The following AIF1L variants were observed in gnomAD, a reference collection of about 807,000 sequenced individuals.
AIF1L encodes allograft inflammatory factor 1 like.
In AIF1L, 12 loss-of-function variants were observed where a neutral mutation model predicts 20.7. That is an observed-to-expected ratio of 0.58 (90% CI 0.37 to 0.94). AIF1L has a LOEUF of 0.94. Ranked by LOEUF, AIF1L falls within the 40% of genes least tolerant of loss-of-function variation. The pLI is 0.01. For synonymous variants in AIF1L, 76 were observed against 65.1 expected (o/e 1.17, Z -0.81); for missense variants, 173 against 185.3 (o/e 0.93, Z 0.39).
intron 5 of AIF1L, among the ~76,000 whole-genome samples, chr9:131,119,593 A>G (rs990759150): frequency 6.6e-6 from 1 of 152,232 alleles, no homozygotes; most frequent in African/African-American, 2.4e-5. Flanking sequence ...CGAATGTAAA[A>G]TATACCTGTC....
intron 2 of AIF1L, among the ~76,000 whole-genome samples, chr9:131,100,848 A>G (rs1391174227): frequency 1.3e-5 from 2 of 152,198 alleles, no homozygotes; most frequent in African/African-American, 2.4e-5. Flanking sequence ...GGAGGCGCTC[A>G]GGGGACAGTG....
rs1003957608 is a variant in AIF1L, at chr9:131,106,210, A to G, written c.94-5387A>G. The G allele has an allele frequency of 1.3e-6, 2 of 1,535,698 alleles. No individual in the cohort carries two copies. The highest frequency in any genetic ancestry group is 1.7e-6 in the Non-Finnish European group (2 of 1,146,890). On this transcript the variant is annotated intron_variant, in intron 2 of 5. Transcript: ENST00000247291. ...CAGTACTGTGCAGGGAGGGAGCCGC[A>G]GCTACAGAGGATTTCATGTTCCCAG...
rs139367162 is a variant in AIF1L at position 131,115,076 on chromosome 9, T to C, written c.202+458T>C. Among the ~76,000 whole-genome samples the C allele has an allele frequency of 7.9e-5, 12 of 152,322 alleles. No homozygotes were observed. The East Asian group carries it at 2.1e-3, about 27-fold the overall frequency. On this transcript the variant is annotated intron_variant, in intron 4 of 5. Coordinates refer to ENST00000247291, the MANE Select transcript of AIF1L (RefSeq NM_031426.4). The stretch of plus-strand genomic sequence containing the variant: ...GCACTTACGTTCTGGTAGGAGACCA[T>C]ACCTGGACCTCACCCGCAAAGAAGT...
chr9:131,107,742 GCCTT>G (rs1830782868), intron 2 of AIF1L, among the ~76,000 whole-genome samples: 1 of 152,168 alleles, frequency 6.6e-6, no homozygotes, highest in African/African-American at 2.4e-5. Flanking sequence ...CCTCTGCCCC[GCCTT>G]TAAAAATGTT....
Position 131,120,399 on chromosome 9 carries a change from ATCTC to A in AIF1L, c.*88_*91del, listed in dbSNP as rs147761552. 1.3e-5 allele frequency: 14 copies of A among 1,104,464 alleles called. No homozygotes were observed. The Admixed American group carries it at 1.5e-4, about 12-fold the overall frequency. 68.4% of individuals were successfully genotyped at this position (1,104,464 alleles called of 1,614,324 possible). On this transcript the variant is annotated 3_prime_UTR_variant, in exon 6 of 6. Transcript: ENST00000247291. ...TTGCTGCCCTTCTTGACACACTGTG[ATCTC>A]TCTCTCTCTCATTTGTTTGGTCATT...
At chr9:131,114,661 T>C in intron 4 of AIF1L, 43 bp downstream of exon 4, 1 of 1,611,894 alleles carries the variant, frequency 6.2e-7, no homozygotes, top group Non-Finnish European at 8.5e-7. Flanking sequence ...GGGTGTTAAG[T>C]GGGTAGAGGG....
At chr9:131,097,984 C>A (rs1234347726) in intron 2 of AIF1L, among the ~76,000 whole-genome samples, 5 of 152,238 alleles carry the variant, frequency 3.3e-5, no homozygotes, top group Non-Finnish European at 5.9e-5. Flanking sequence ...CTCCTCTGGT[C>A]CCCTGGACAC....
chr9:131,117,846 G>A lies in AIF1L; in HGVS notation c.293G>A (p.Gly98Glu). Reference sequence around the variant, plus strand: ...AAGATGATCTCAGAGGTGACAGGAGGGGTCAGTGACACTATATCCTACCGA... The same window carrying A: ...AAGATGATCTCAGAGGTGACAGGAGAGGTCAGTGACACTATATCCTACCGA... ...MKKMISEVTG[G>E]VSDTISYRDF... Residue 98 changes from glycine to glutamate, a missense_variant, in exon 5 of 6, where the codon GGG becomes GAG. Coordinates refer to ENST00000247291, the MANE Select transcript of AIF1L (RefSeq NM_031426.4). The A allele has an allele frequency of 6.2e-7, 1 of 1,614,158 alleles. No individual in the cohort carries two copies. Among genetic ancestry groups the A allele is most frequent in the Non-Finnish European group, 8.5e-7 (1 of 1,180,022 alleles).
chr9:131,113,497 C>CAAAAAAAAA (rs3057292), intron 3 of AIF1L, among the ~76,000 whole-genome samples: 1 of 49,332 alleles, frequency 2.0e-5, no homozygotes, highest in African/African-American at 7.6e-5. Flanking sequence ...GACTCCATCT[C>CAAAAAAAAA]AAAAAAAAAA....
chr9:131,119,113 C>T (rs1231353526), intron 5 of AIF1L, among the ~76,000 whole-genome samples: 1 of 152,248 alleles, frequency 6.6e-6, no homozygotes, highest in African/African-American at 2.4e-5. Flanking sequence ...TGATGGCAAA[C>T]ACCTACTACG....
chr9:131,117,379 C>T (rs1831038904), intron 4 of AIF1L, among the ~76,000 whole-genome samples: 1 of 152,196 alleles, frequency 6.6e-6, no homozygotes, highest in Non-Finnish European at 1.5e-5. Flanking sequence ...GCAGAGCCCA[C>T]AGTCATGGTG....
At chr9:131,098,950 G>A (rs1304928520) in intron 2 of AIF1L, among the ~76,000 whole-genome samples, 1 of 152,190 alleles carries the variant, frequency 6.6e-6, no homozygotes, top group Non-Finnish European at 1.5e-5. Flanking sequence ...TAGGAAGGAG[G>A]CGCCAGGATC....
At position 131,120,981 on chromosome 9, in the gene AIF1L, C is replaced by T; in HGVS notation, c.*659C>T. ...CCTCCAGTCCTGCTCTCTGGCCACA[C>T]CTGTGCAGGCAGCTGAGAGGCAGCG... On this transcript the variant is annotated 3_prime_UTR_variant, in exon 6 of 6. Coordinates refer to ENST00000247291, the MANE Select transcript of AIF1L (RefSeq NM_031426.4). 1 of 601,154 alleles carries T rather than the reference C, an allele frequency of 1.7e-6. No individual in the cohort carries two copies. The highest frequency in any genetic ancestry group is 3.1e-6 in the Non-Finnish European group (1 of 325,404). The allele number at this position is 601,154 out of a possible 1,614,324, so 37.2% of individuals were successfully genotyped here.
intron 2 of AIF1L, among the ~76,000 whole-genome samples, chr9:131,109,152 CAGTG>C (rs34694951): frequency 0.73 from 110,999 of 151,738 alleles, 41,802 homozygotes; most frequent in Middle Eastern, 0.84. Context: ...GATGCTAGCA[CAGTG>C]AGTGCTGTGT....
intron 2 of AIF1L, among the ~76,000 whole-genome samples, chr9:131,104,625 G>A (rs893463950): frequency 1.3e-5 from 2 of 152,328 alleles, no homozygotes; most frequent in South Asian, 2.1e-4. Flanking sequence ...CCTACTCCAC[G>A]GGGAGGGGGC....
At position 131,121,147 on chromosome 9, in the gene AIF1L, A is replaced by T; in HGVS notation, c.*825A>T. 1 of 713,304 alleles carries T rather than the reference A, an allele frequency of 1.4e-6. No individual in the cohort carries two copies. The highest frequency in any genetic ancestry group is 2.6e-6 in the Non-Finnish European group (1 of 383,054). The allele number at this position is 713,304 out of a possible 1,614,324, so 44.2% of individuals were successfully genotyped here. On this transcript the variant is annotated 3_prime_UTR_variant, in exon 6 of 6. Coordinates refer to ENST00000247291, the MANE Select transcript of AIF1L (RefSeq NM_031426.4). ...AGGGGACCAGGATGGGAGAATGAGG[A>T]GTAAAATGCTCACGGCAAAGTCAGC...
At chr9:131,112,431 A>T (rs2133394502) in intron 3 of AIF1L, 1 of 152,446 alleles carries the variant, frequency 6.6e-6, no homozygotes, top group East Asian at 1.9e-4. Context: ...AATCACTTCC[A>T]GTTGTCCTTA....
rs1475698649 is a variant in AIF1L at position 131,096,860 on chromosome 9, C to G, written c.90C>G (p.Asn30Lys). 1 of 1,534,850 alleles carries G rather than the reference C, an allele frequency of 6.5e-7. No homozygotes were observed. Among genetic ancestry groups the G allele is most frequent in the Non-Finnish European group, 8.8e-7 (1 of 1,142,010 alleles). ...AGGAGAGGAGGCTGGCCGAGATCAACCGGGTAAGCCCCGCGCCCAGGGCAG... is the reference window on the plus strand; with the variant it reads ...AGGAGAGGAGGCTGGCCGAGATCAAGCGGGTAAGCCCCGCGCCCAGGGCAG... The part of the protein sequence containing the change: ...ARQERRLAEI[N>K]REFLCDQKYS... The change falls in exon 2 of 6, where the codon AAC (asparagine) becomes AAG (lysine). Residue 30 changes from asparagine (N) to lysine (K), a missense_variant. Transcript: ENST00000247291.
At chr9:131,103,058 G>C (rs898050760) in intron 2 of AIF1L, 2 of 451,218 alleles carry the variant, frequency 4.4e-6, no homozygotes, top group African/African-American at 2.0e-5. Context: ...GGACAGGCAC[G>C]GCAGGGGCTG....
Sources: gnomAD v4.1 joint callset for allele counts (sites outside exome capture counted in the v4.1 genomes callset) on GRCh38, gnomAD v4.1.1 for gene constraint, MANE v1.5 for transcripts, NCBI Gene and HGNC (gene_info 2026-07-23, HGNC 2026-07-21) for gene names.